CEACAM21: variants seen among roughly 807,000 people sequenced by gnomAD.
CEACAM21 encodes CEA cell adhesion molecule 21, also known as cell adhesion molecule CEACAM21.
A neutral mutation model predicts 33.2 loss-of-function variants in CEACAM21; 38 were observed. That is an observed-to-expected ratio of 1.14 (90% CI 0.88 to 1.50). CEACAM21 has a LOEUF of 1.50. Ranked by LOEUF, CEACAM21 falls within the 40% of genes most tolerant of loss-of-function variation. The pLI is 0.00. For synonymous variants in CEACAM21, 156 were observed against 143.0 expected (o/e 1.09, Z -0.65); for missense variants, 385 against 364.6 (o/e 1.06, Z -0.46).
At chr19:41,581,417 T>C (rs2043374842) in intron 3 of CEACAM21, among the ~76,000 whole-genome samples, 1 of 152,234 alleles carries the variant, frequency 6.6e-6, no homozygotes, top group South Asian at 2.1e-4. Context: ...AAATCTCTGT[T>C]TGGGGCTCTC....
chr19:41,586,420 C>A, intron 6 of CEACAM21, 44 bp from the exon 7 acceptor site: 1 of 623,770 alleles, frequency 1.6e-6, no homozygotes. Context: ...AGACCCTGTT[C>A]TGAGAAGGCC....
chr19:41,585,629 C>A, intron 5 of CEACAM21, 134 bp downstream of exon 5: 1 of 1,127,250 alleles, frequency 8.9e-7, no homozygotes, highest in African/African-American at 1.6e-5. Context: ...AAACATCACA[C>A]AGGAAACCCC....
At chr19:41,556,748 C>G (rs2041557997) in intron 1 of CEACAM21, among the ~76,000 whole-genome samples, 1 of 152,198 alleles carries the variant, frequency 6.6e-6, no homozygotes. Context: ...ATATAAGGCA[C>G]CTTTCATTGT....
intron 2 of CEACAM21, among the ~76,000 whole-genome samples, chr19:41,570,442 A>C (rs2122201903): frequency 6.6e-6 from 1 of 151,782 alleles, no homozygotes; most frequent in South Asian, 2.1e-4. Flanking sequence ...ACTCACCTGC[A>C]CTCCTCCATT....
intron 2 of CEACAM21, among the ~76,000 whole-genome samples, chr19:41,566,720 G>A (rs1555788408): frequency 2.0e-5 from 3 of 152,162 alleles, no homozygotes; most frequent in African/African-American, 7.2e-5. Context: ...CTGAGAATTG[G>A]TTGAGGAGGA....
At chr19:41,562,791 C>T (rs2041973888) in intron 1 of CEACAM21, among the ~76,000 whole-genome samples, 1 of 151,864 alleles carries the variant, frequency 6.6e-6, no homozygotes, top group South Asian at 2.1e-4. Flanking sequence ...TGCAGTGGCG[C>T]GATCTCGGCG....
At chr19:41,558,729 G>A (rs1044641926) in intron 1 of CEACAM21, among the ~76,000 whole-genome samples, 1 of 152,162 alleles carries the variant, frequency 6.6e-6, no homozygotes, top group Non-Finnish European at 1.5e-5. Flanking sequence ...CAGAAGCTAT[G>A]AGAAGGCAGA....
rs1276902109 is a variant in CEACAM21, at chr19:41,564,497, C to G, written c.-778-185C>G. On this transcript the variant is annotated intron_variant, in intron 1 of 7. Transcript: ENST00000407170. ...CCAGGGAACTTAGCCTGACGACACT[C>G]CGCCCCATCGGGTCAGGGAAAAACG... Among the ~76,000 whole-genome samples the G allele has an allele frequency of 2.6e-5, 4 of 152,306 alleles. No individual in the cohort carries two copies. In the South Asian group the frequency reaches 6.2e-4, roughly 24 times the overall value.
At chr19:41,572,752 A>G (rs1600225062), upstream of CEACAM21, among the ~76,000 whole-genome samples, 1 of 152,218 alleles carries the variant, frequency 6.6e-6, no homozygotes, top group Non-Finnish European at 1.5e-5. Flanking sequence ...ATTCATGACC[A>G]CCCACCAACA....
At chr19:41,564,897 T>G (rs1555787928) in exon 2 of CEACAM21, 1 of 152,240 alleles carries the variant, frequency 6.6e-6, no homozygotes, top group Non-Finnish European at 1.5e-5. Context: ...GCTAACACCC[T>G]CGGAGGTCCT....
intron 4 of CEACAM21, 46 bp downstream of exon 4, chr19:41,584,489 C>T (rs2070566334): frequency 2.6e-6 from 4 of 1,521,444 alleles, no homozygotes; most frequent in Middle Eastern, 1.7e-4. Context: ...CACGCTGACC[C>T]CAGGCGAGAA....
At chr19:41,577,104 C>G (rs2043004182) in intron 1 of CEACAM21, 96 bp from the exon 2 acceptor site, 1 of 1,418,234 alleles carries the variant, frequency 7.1e-7, no homozygotes. Context: ...CACACACCCT[C>G]TAAGGCTGAG....
chr19:41,564,182 G>A (rs2042092735), intron 1 of CEACAM21, among the ~76,000 whole-genome samples: 1 of 152,042 alleles, frequency 6.6e-6, no homozygotes, highest in Non-Finnish European at 1.5e-5. Flanking sequence ...CGAGGGCATT[G>A]TGAACGCTTG....
upstream of CEACAM21, chr19:41,576,121 C>T (rs373373082): frequency 3.0e-5 from 24 of 788,990 alleles, no homozygotes; most frequent in Non-Finnish European, 4.6e-5. Context: ...GAGCCCCGCC[C>T]TTGCCCATAA....
upstream of CEACAM21, among the ~76,000 whole-genome samples, chr19:41,571,337 A>T (rs2042601044): frequency 6.6e-6 from 1 of 152,240 alleles, no homozygotes; most frequent in Admixed American, 6.5e-5. Flanking sequence ...AGGAGAAGGC[A>T]TGTTTAGAGA....
chr19:41,584,462 A>G lies in CEACAM21; in HGVS notation c.797+19A>G, dbSNP rs1555794563. On this transcript the variant is annotated intron_variant, in intron 4 of 6. Coordinates refer to ENST00000401445, the MANE Select transcript of CEACAM21 (RefSeq NM_001098506.4). ...CTGGCAGGTACCACAGCTTTTCCCC[A>G]TTCTGCTCCCATCCTTCACGCTGAC... 4.4e-6 allele frequency: 7 copies of G among 1,589,400 alleles called. No individual in the cohort carries two copies. In the African/African-American group the frequency reaches 6.7e-5, roughly 15 times the overall value.
intron 2 of CEACAM21, among the ~76,000 whole-genome samples, chr19:41,570,199 A>G (rs1377676202): frequency 6.6e-6 from 1 of 152,190 alleles, no homozygotes; most frequent in Non-Finnish European, 1.5e-5. Context: ...AGGATTTCAG[A>G]TGGGTAGGTA....
chr19:41,570,749 C>G (rs929376882), intron 2 of CEACAM21, among the ~76,000 whole-genome samples: 3 of 152,160 alleles, frequency 2.0e-5, no homozygotes, highest in Non-Finnish European at 2.9e-5. Flanking sequence ...TAAAAGCAGC[C>G]ACATTTGTCT....
chr19:41,579,609 C>A lies in CEACAM21; in HGVS notation c.681C>A (p.Pro227=), dbSNP rs1555792826. 6.4e-7 allele frequency: 1 copy of A among 1,562,766 alleles called. No homozygotes were observed. The highest frequency in any genetic ancestry group is 1.2e-5 in the South Asian group (1 of 85,590). ...CAGTCAGCTCCAACAGGAGCGACCC[C>A]CTCAAGCTGACTGTAAAATGTGAGT... ...SNPVSSNRSD[P]LKLTVKSDDN... The change falls in exon 3 of 7, where the codon CCC becomes CCA. Residue 227 remains proline, a synonymous_variant. Coordinates refer to ENST00000401445, the MANE Select transcript of CEACAM21 (RefSeq NM_001098506.4).
Sources: gnomAD v4.1 joint callset for allele counts (sites outside exome capture counted in the v4.1 genomes callset) on GRCh38, gnomAD v4.1.1 for gene constraint, MANE v1.5 for transcripts, NCBI Gene and HGNC (gene_info 2026-07-23, HGNC 2026-07-21) for gene names.